FNDC1: variants seen among roughly 807,000 people sequenced by gnomAD.
FNDC1 encodes the protein fibronectin type III domain-containing protein 1.
Under a neutral mutation model 168.0 loss-of-function variants are expected in FNDC1, and 96 were observed. The observed-to-expected ratio is 0.57, with a 90% CI of 0.48 to 0.68. The LOEUF (loss-of-function observed/expected upper bound fraction) is 0.68, where lower values mean the gene tolerates loss of function less well. FNDC1 is among the 30% of genes least tolerant of loss of function. The pLI is 0.00. For missense variants in FNDC1, 2,587 were observed against 2,482.1 expected, an observed-to-expected ratio of 1.04 and a Z score of -0.90; for synonymous variants, 1,099 against 1,025.9, an observed-to-expected ratio of 1.07 and a Z score of -1.36.
At chr6:159,187,952 C>G (rs998852081) in intron 1 of FNDC1, among the ~76,000 whole-genome samples, 18 of 152,166 alleles carry the variant, frequency 1.2e-4, no homozygotes, top group Admixed American at 1.2e-3. Flanking sequence ...AGCTATACTG[C>G]TATTGTAGTA....
At chr6:159,204,586 C>T (rs1400948720) in intron 4 of FNDC1, among the ~76,000 whole-genome samples, 5 of 152,214 alleles carry the variant, frequency 3.3e-5, no homozygotes, top group Non-Finnish European at 7.3e-5. Flanking sequence ...CCACACTCCA[C>T]ATGCAGGTCT....
At chr6:159,250,844 G>C (rs1447645023) in intron 16 of FNDC1, among the ~76,000 whole-genome samples, 1 of 152,188 alleles carries the variant, frequency 6.6e-6, no homozygotes, top group Non-Finnish European at 1.5e-5. Context: ...AGGCCACCCA[G>C]GGTTGAAGCT....
chr6:159,219,365 CA>C (rs1249279281), intron 5 of FNDC1, among the ~76,000 whole-genome samples: 5 of 152,156 alleles, frequency 3.3e-5, no homozygotes, highest in Admixed American at 6.5e-5. Context: ...ATTCAGTAAT[CA>C]GGGGCACAGA....
At chr6:159,269,597 G>GTCTATCTA (rs201581423) in intron 22 of FNDC1, among the ~76,000 whole-genome samples, 85 of 123,946 alleles carry the variant, frequency 6.9e-4, no homozygotes, top group Admixed American at 1.0e-3. Context: ...CTGTCTGTCT[G>GTCTATCTA]TCTATCTATC....
At chr6:159,265,636 A>C (rs929056756) in intron 20 of FNDC1, among the ~76,000 whole-genome samples, 1 of 152,186 alleles carries the variant, frequency 6.6e-6, no homozygotes, top group Non-Finnish European at 1.5e-5. Flanking sequence ...TTTGCTCAAA[A>C]AAGCCCTGCA....
At chr6:159,196,776 G>A (rs971567075) in intron 1 of FNDC1, among the ~76,000 whole-genome samples, 1 of 152,200 alleles carries the variant, frequency 6.6e-6, no homozygotes, top group African/African-American at 2.4e-5. Context: ...TGAAAATGAA[G>A]TGAATTTCTT....
rs763337015 is a variant in FNDC1, at chr6:159,266,176, C to T, written c.5377C>T (p.Arg1793Ter). 6 of 1,613,934 alleles carry T rather than the reference C, an allele frequency of 3.7e-6. No individual in the cohort carries two copies. The highest frequency in any genetic ancestry group is 1.7e-5 in the Admixed American group (1 of 60,028). Residue 1793 changes from arginine (R) to a stop codon, truncating the protein, a stop_gained, in exon 21 of 23, where the codon CGA (arginine) becomes TGA (stop). Coordinates refer to ENST00000297267, the MANE Select transcript of FNDC1 (RefSeq NM_032532.3). LOFTEE classifies it high-confidence loss of function. ...GRQYVKRTWY[R>*]KFVGVVLCNS... ...GCAATATGTGAAGCGCACGTGGTATCGAAAGTTCGTGGGAGTTGTTCTTTG... is the reference window on the plus strand; with the variant it reads ...GCAATATGTGAAGCGCACGTGGTATTGAAAGTTCGTGGGAGTTGTTCTTTG...
chr6:159,259,695 C>A (rs1777445961), intron 18 of FNDC1, among the ~76,000 whole-genome samples: 1 of 152,218 alleles, frequency 6.6e-6, no homozygotes, highest in Admixed American at 6.5e-5. Context: ...ACTCCACAAC[C>A]ACTGCATAAA....
At chr6:159,176,243 G>A (rs1186487414) in intron 1 of FNDC1, among the ~76,000 whole-genome samples, 1 of 152,154 alleles carries the variant, frequency 6.6e-6, no homozygotes, top group Admixed American at 6.5e-5. Context: ...CTCTAACTTT[G>A]TGTGAGTCTC....
chr6:159,171,146 C>T (rs541823971), intron 1 of FNDC1, among the ~76,000 whole-genome samples: 1 of 152,122 alleles, frequency 6.6e-6, no homozygotes, highest in African/African-American at 2.4e-5. Context: ...GCGATCTGCA[C>T]TCTTGCTTTT....
intron 22 of FNDC1, 33 bp downstream of exon 22, chr6:159,267,959 A>G (rs369202739): frequency 1.9e-6 from 3 of 1,589,960 alleles, no homozygotes; most frequent in Non-Finnish European, 2.6e-6. Flanking sequence ...ATATTATCCT[A>G]GGAGGTGGGA....
chr6:159,269,301 CATCTATCCTATCTATTT>C (rs1777673174), intron 22 of FNDC1, among the ~76,000 whole-genome samples: 1 of 82,060 alleles, frequency 1.2e-5, no homozygotes, highest in Non-Finnish European at 3.0e-5. Context: ...TCCATCCATC[CATCTATCCTATCTATTT>C]ATCTAACTAT....
intron 12 of FNDC1, among the ~76,000 whole-genome samples, chr6:159,237,286 C>G (rs1783283323): frequency 6.6e-6 from 1 of 152,166 alleles, no homozygotes; most frequent in South Asian, 2.1e-4. Flanking sequence ...CTCCAGTAGC[C>G]TGAGTGTCTA....
chr6:159,188,651 T>G (rs1167086701), intron 1 of FNDC1, among the ~76,000 whole-genome samples: 1 of 151,998 alleles, frequency 6.6e-6, no homozygotes, highest in African/African-American at 2.4e-5. Context: ...GTGCTGGGAT[T>G]ACAGGCGTGA....
intron 4 of FNDC1, among the ~76,000 whole-genome samples, chr6:159,202,638 G>A (rs1302989735): frequency 1.3e-5 from 2 of 152,158 alleles, no homozygotes; most frequent in Non-Finnish European, 2.9e-5. Flanking sequence ...TAGAAACAAT[G>A]GCTGCAGTTC....
At chr6:159,200,853 C>T (rs1470655275) in intron 4 of FNDC1, among the ~76,000 whole-genome samples, 1 of 152,212 alleles carries the variant, frequency 6.6e-6, no homozygotes, top group Non-Finnish European at 1.5e-5. Flanking sequence ...TCTTCATAGG[C>T]AAATATGGTG....
At chr6:159,258,266 G>A (rs114289420) in intron 18 of FNDC1, among the ~76,000 whole-genome samples, 249 of 152,308 alleles carry the variant, frequency 1.6e-3, no homozygotes, top group African/African-American at 5.3e-3. Flanking sequence ...CCCTCAAGGA[G>A]CTTACAGTCT....
intron 1 of FNDC1, among the ~76,000 whole-genome samples, chr6:159,186,731 T>G (rs974648835): frequency 1.3e-5 from 2 of 152,112 alleles, no homozygotes; most frequent in African/African-American, 4.8e-5. Flanking sequence ...CAGAAACGCG[T>G]GGAGGTGGTG....
chr6:159,256,481 G>A (rs1176630220), intron 17 of FNDC1, 42 bp from the exon 18 acceptor site: 1 of 1,436,276 alleles, frequency 7.0e-7, no homozygotes, highest in Non-Finnish European at 9.8e-7. Context: ...GTGTGACTTG[G>A]TTCCTTGGTG....
Sources: gnomAD v4.1 joint callset for allele counts (sites outside exome capture counted in the v4.1 genomes callset) on GRCh38, gnomAD v4.1.1 for gene constraint, MANE v1.5 for transcripts, NCBI Gene and HGNC (gene_info 2026-07-23, HGNC 2026-07-21) for gene names.